The following ZNF99 variants were observed in gnomAD, a reference collection of about 807,000 sequenced individuals.
ZNF99 encodes zinc finger protein ENSP00000375192.
A neutral mutation model predicts 12.8 loss-of-function variants in ZNF99; 8 were observed. The observed-to-expected ratio is 0.62, with a 90% CI of 0.37 to 1.13. The LOEUF (loss-of-function observed/expected upper bound fraction) is 1.13, where lower values mean the gene tolerates loss of function less well. Among genes scored for constraint, ZNF99 ranks in the 50% most tolerant of loss-of-function variants. The pLI is 0.02. For missense variants in ZNF99, 1,007 were observed against 1,006.2 expected (o/e 1.00, Z -0.01); for synonymous variants, 318 against 319.0 (o/e 1.00, Z 0.03).
At chr19:22,771,714 C>CTT (rs34457637) in intron 1 of ZNF99, among the ~76,000 whole-genome samples, 77 of 91,114 alleles carry the variant, frequency 8.5e-4, no homozygotes, top group Non-Finnish European at 1.0e-3. Flanking sequence ...ACAGGTGAAA[C>CTT]TTTTTTTTTT....
At chr19:22,776,727 C>A (rs1053352387) in intron 1 of ZNF99, among the ~76,000 whole-genome samples, 2 of 152,062 alleles carry the variant, frequency 1.3e-5, no homozygotes, top group African/African-American at 4.8e-5. Context: ...TGGGTATATA[C>A]CCAAAGAAAT....
intron 1 of ZNF99, among the ~76,000 whole-genome samples, chr19:22,780,186 G>C (rs143170731): frequency 6.6e-6 from 1 of 152,244 alleles, no homozygotes; most frequent in African/African-American, 2.4e-5. Context: ...CCTTAGCTTA[G>C]AGTCACTGGG....
chr19:22,775,897 C>G (rs1046786296), intron 1 of ZNF99, among the ~76,000 whole-genome samples: 2 of 152,112 alleles, frequency 1.3e-5, no homozygotes, highest in South Asian at 2.1e-4. Context: ...TGGTAGGCAC[C>G]TGTAATCTCA....
chr19:22,760,137 A>G (rs1973134351), intron 3 of ZNF99, among the ~76,000 whole-genome samples: 1 of 152,112 alleles, frequency 6.6e-6, no homozygotes, highest in African/African-American at 2.4e-5. Flanking sequence ...ATCTCTACTA[A>G]AAATTCAAAA....
chr19:22,780,992 A>G (rs1188064983), intron 1 of ZNF99, among the ~76,000 whole-genome samples: 1 of 152,208 alleles, frequency 6.6e-6, no homozygotes, highest in Non-Finnish European at 1.5e-5. Flanking sequence ...AATTCTGTTT[A>G]AAATCACCCA....
rs1386461772 is a variant in ZNF99, at chr19:22,753,890, T to C, written c.*3424A>G. On this transcript the variant is annotated 3_prime_UTR_variant, in exon 4 of 4. Coordinates refer to ENST00000596209, the MANE Select transcript of ZNF99 (RefSeq NM_001080409.3). ...GTTTTCTCTAGGATAAATTAGCTTA[T>C]ACTCAAGTGTGACAACCATTTAAAG... The C allele has an allele frequency of 1.5e-5, 5 of 325,604 alleles. No individual in the cohort carries two copies. The highest frequency in any genetic ancestry group is 2.6e-5 in the South Asian group (1 of 38,182). The allele number at this position is 325,604 out of a possible 1,614,324, so 20.2% of individuals were successfully genotyped here.
Position 22,754,602 on chromosome 19 carries a change from T to G in ZNF99, c.*2712A>C. ...GGTTTCTCTTCAGTATGAATTATCTTAATGTGTGGTAAGATGTGAGAAATG... is the reference window on the plus strand; with the variant it reads ...GGTTTCTCTTCAGTATGAATTATCTGAATGTGTGGTAAGATGTGAGAAATG... On this transcript the variant is annotated 3_prime_UTR_variant, in exon 4 of 4. Coordinates refer to ENST00000596209, the MANE Select transcript of ZNF99 (RefSeq NM_001080409.3). 2.6e-6 allele frequency: 1 copy of G among 388,958 alleles called. No homozygotes were observed. The highest frequency in any genetic ancestry group is 5.1e-6 in the Non-Finnish European group (1 of 197,998). 24.1% of individuals were successfully genotyped at this position (388,958 alleles called of 1,614,324 possible).
In ZNF99 at chr19:22,756,039, G is replaced by T; in HGVS notation, c.*1275C>A. On this transcript the variant is annotated 3_prime_UTR_variant, in exon 4 of 4. Coordinates refer to ENST00000596209, the MANE Select transcript of ZNF99 (RefSeq NM_001080409.3). ...GCTTTGCCACATTCTTTACATTTGT[G>T]GGGTTTCTCTCCAGCATGAATTGTT... The T allele has an allele frequency of 1.3e-5, 13 of 1,012,304 alleles. No individual in the cohort carries two copies. The highest frequency in any genetic ancestry group is 1.4e-5 in the Non-Finnish European group (10 of 708,936). The allele number at this position is 1,012,304 out of a possible 1,614,324, so 62.7% of individuals were successfully genotyped here. A position where few individuals can be genotyped will look rare whatever the true frequency, so the allele number is the denominator to read the frequency against.
chr19:22,772,550 G>A (rs1334494995), intron 1 of ZNF99, among the ~76,000 whole-genome samples: 1 of 152,050 alleles, frequency 6.6e-6, no homozygotes. Flanking sequence ...GGTGGGGCAT[G>A]CCTGTAATCC....
chr19:22,757,310 T>G lies in ZNF99; in HGVS notation c.*4A>C. ...ACATTTGTAGGGTTTCTTTCCAGTA[T>G]GAATTATCTCATGTTTTCTAAGGGC... On this transcript the variant is annotated 3_prime_UTR_variant, in exon 4 of 4. Coordinates refer to ENST00000596209, the MANE Select transcript of ZNF99 (RefSeq NM_001080409.3). 1.2e-6 allele frequency: 2 copies of G among 1,612,842 alleles called. No individual in the cohort carries two copies. Among genetic ancestry groups the G allele is most frequent in the Non-Finnish European group, 1.7e-6 (2 of 1,179,632 alleles).
chr19:22,755,727 C>G lies in ZNF99; in HGVS notation c.*1587G>C. 3.3e-6 allele frequency: 1 copy of G among 305,310 alleles called. No individual in the cohort carries two copies. The highest frequency in any genetic ancestry group is 6.7e-6 in the Non-Finnish European group (1 of 150,262). The allele number at this position is 305,310 out of a possible 1,614,324, so 18.9% of individuals were successfully genotyped here. A position where few individuals can be genotyped will look rare whatever the true frequency, so the allele number is the denominator to read the frequency against. ...AGTGTTTGTCTCTACTATGAATTAT[C>G]TTATGTTCAGTAAGATTTGAGGACT... On this transcript the variant is annotated 3_prime_UTR_variant, in exon 4 of 4. Coordinates refer to ENST00000596209, the MANE Select transcript of ZNF99 (RefSeq NM_001080409.3).
rs1973005700 is a variant in ZNF99, at chr19:22,753,823, A to G, written c.*3491T>C. Reference sequence around the variant, plus strand: ...AAGTATAAATGCTTTCCTATGCGATAAGGTGTGAGTATTGGTTAAATATTT... The same window carrying G: ...AAGTATAAATGCTTTCCTATGCGATGAGGTGTGAGTATTGGTTAAATATTT... On this transcript the variant is annotated 3_prime_UTR_variant, in exon 4 of 4. Transcript: ENST00000596209. 1 of 249,142 alleles carries G rather than the reference A, an allele frequency of 4.0e-6. No individual in the cohort carries two copies. The highest frequency in any genetic ancestry group is 2.3e-5 in the African/African-American group (1 of 43,958). 15.4% of individuals were successfully genotyped at this position (249,142 alleles called of 1,614,324 possible). A position where few individuals can be genotyped will look rare whatever the true frequency, so the allele number is the denominator to read the frequency against.
Position 22,757,079 on chromosome 19 carries a change from A to G in ZNF99, c.*235T>C, listed in dbSNP as rs778282757. 1.9e-6 allele frequency: 3 copies of G among 1,612,804 alleles called. No individual in the cohort carries two copies. The East Asian group carries it at 6.7e-5, about 36-fold the overall frequency. On this transcript the variant is annotated 3_prime_UTR_variant, in exon 4 of 4. Coordinates refer to ENST00000596209, the MANE Select transcript of ZNF99 (RefSeq NM_001080409.3). ...AGTATGAATTAGCTTATGTTTCTTA[A>G]GGGTTGAGGAATTGTTAAAAGCTTT...
At chr19:22,765,193 T>A (rs1973190849) in intron 3 of ZNF99, among the ~76,000 whole-genome samples, 1 of 152,206 alleles carries the variant, frequency 6.6e-6, no homozygotes, top group Non-Finnish European at 1.5e-5. Context: ...GCAACATGGA[T>A]AAGATTAGAG....
chr19:22,772,978 C>T (rs1486763209), intron 1 of ZNF99, among the ~76,000 whole-genome samples: 1 of 152,112 alleles, frequency 6.6e-6, no homozygotes, highest in Non-Finnish European at 1.5e-5. Flanking sequence ...TTCTGGGCCC[C>T]ATGGTCTGTG....
chr19:22,760,692 C>T (rs1037034682), intron 3 of ZNF99, among the ~76,000 whole-genome samples: 11 of 151,664 alleles, frequency 7.3e-5, no homozygotes, highest in Admixed American at 3.9e-4. Flanking sequence ...TGCAGTGAGC[C>T]GAGATCATGC....
intron 2 of ZNF99, 114 bp downstream of exon 2, chr19:22,769,084 C>T (rs1274939588): frequency 6.5e-6 from 7 of 1,077,284 alleles, no homozygotes; most frequent in South Asian, 3.2e-5. Context: ...TTTCAGAAAA[C>T]GGGTATCTGA....
chr19:22,758,611 G>A lies in ZNF99; in HGVS notation c.1298C>T (p.Ala433Val). Residue 433 changes from alanine to valine, a missense_variant, in exon 4 of 4, where the codon GCT becomes GTT. Transcript: ENST00000596209. ...TCTAAGGGCTGAGAAACGCTTAAAA[G>A]CTTTGCCACATTCTTCACATTTGCA... ...KPCKCEECGK[A>V]FKRFSALRKH... The A allele has an allele frequency of 1.2e-6, 2 of 1,613,192 alleles. No individual in the cohort carries two copies. Among genetic ancestry groups the A allele is most frequent in the Non-Finnish European group, 1.7e-6 (2 of 1,179,692 alleles).
At chr19:22,781,936 T>G (rs1339611644) in intron 1 of ZNF99, among the ~76,000 whole-genome samples, 1 of 151,802 alleles carries the variant, frequency 6.6e-6, no homozygotes, top group Admixed American at 6.6e-5. Context: ...TCTGCTAAAA[T>G]CTGTGGAGCA....
Sources: gnomAD v4.1 joint callset for allele counts (sites outside exome capture counted in the v4.1 genomes callset) on GRCh38, gnomAD v4.1.1 for gene constraint, MANE v1.5 for transcripts, NCBI Gene and HGNC (gene_info 2026-07-23, HGNC 2026-07-21) for gene names.